PCDHGB3: variants seen among roughly 807,000 people sequenced by gnomAD.
The protein encoded by PCDHGB3 is protocadherin gamma-B3.
In PCDHGB3, 40 loss-of-function variants were observed where a neutral mutation model predicts 59.2. That is an observed-to-expected ratio of 0.68 (90% CI 0.52 to 0.88). The LOEUF is 0.88. Among genes scored for constraint, PCDHGB3 ranks in the 40% least tolerant of loss-of-function variants. PCDHGB3 has a pLI of 0.00. For missense variants in PCDHGB3, 1,309 were observed against 1,187.9 expected, an observed-to-expected ratio of 1.10 and a Z score of -1.50; for synonymous variants, 581 against 503.6, an observed-to-expected ratio of 1.15 and a Z score of -2.06.
At position 141,429,997 on chromosome 5, in the gene PCDHGB3, G is replaced by A. The variant is rs536289272; in HGVS notation, c.2415+57188G>A. Among the ~76,000 whole-genome samples, 3 of 152,240 alleles carry A rather than the reference G, an allele frequency of 2.0e-5. No homozygotes were observed. The East Asian group carries it at 5.8e-4, about 29-fold the overall frequency. On this transcript the variant is annotated intron_variant, in intron 1 of 3. Transcript: ENST00000576222. ...TCTACTTTATGCTAAAAATATTAAT[G>A]TTTCTTTTTCACTTGGGTTCTTGTT... is the stretch of plus-strand genomic sequence containing the variant.
intron 1 of PCDHGB3, chr5:141,422,152 G>A (rs979405624): frequency 1.3e-5 from 20 of 1,575,764 alleles, no homozygotes; most frequent in Non-Finnish European, 1.5e-5. Flanking sequence ...GGGGTCTCTG[G>A]ATTTTGAAAA....
intron 1 of PCDHGB3, chr5:141,392,842 G>A: frequency 6.2e-7 from 1 of 1,609,312 alleles, no homozygotes. Flanking sequence ...CGCCCCAGAC[G>A]CGGCGAGCTG....
At chr5:141,410,701 A>C in intron 1 of PCDHGB3, 2 of 1,471,660 alleles carry the variant, frequency 1.4e-6, no homozygotes, top group Non-Finnish European at 9.1e-7. Context: ...TTATTTTCAT[A>C]TCTAGAATCA....
chr5:141,418,439 T>C (rs1284999606), intron 1 of PCDHGB3: 1 of 1,613,812 alleles, frequency 6.2e-7, no homozygotes, highest in Non-Finnish European at 8.5e-7. Flanking sequence ...ATATCCAGAA[T>C]TAGTATTGCA....
Position 141,372,607 on chromosome 5 carries a change from G to A in PCDHGB3, c.2213G>A (p.Gly738Glu). The A allele has an allele frequency of 6.2e-7, 1 of 1,614,000 alleles. No homozygotes were observed. Among genetic ancestry groups the A allele is most frequent in the South Asian group, 1.1e-5 (1 of 91,078 alleles). The stretch of plus-strand genomic sequence containing the variant: ...GGTGTCTGCTTCAAGACTGTACCTG[G>A]AGTTCTCCCCACCTACAGCGAAAGG... Reference protein sequence around the residue: ...QPGVCFKTVPGVLPTYSERTL... With the variant: ...QPGVCFKTVPEVLPTYSERTL... Residue 738 changes from glycine to glutamate, a missense_variant, in exon 1 of 4, where the codon GGA becomes GAA. Transcript: ENST00000576222.
chr5:141,398,586 A>G, intron 1 of PCDHGB3: 2 of 1,614,054 alleles, frequency 1.2e-6, no homozygotes, highest in Non-Finnish European at 1.7e-6. Flanking sequence ...CAAGATTTAT[A>G]CTAGAAGTAG....
At chr5:141,475,813 T>C in intron 1 of PCDHGB3, 1 of 334,788 alleles carries the variant, frequency 3.0e-6, no homozygotes, top group East Asian at 5.5e-5. Flanking sequence ...GAAAGTGAAG[T>C]TCCTGGCGCT....
chr5:141,395,447 G>A, intron 1 of PCDHGB3: 1 of 645,042 alleles, frequency 1.6e-6, no homozygotes, highest in Admixed American at 3.5e-5. Context: ...GGAAAAGATT[G>A]TTCAACCATT....
Position 141,489,764 on chromosome 5 carries a change from A to G in PCDHGB3, c.2416-5043A>G. ...GTGAGCTTTTACACTCTAAGCCCCA[A>G]CAGCCACTTCTCTCTGAATGTGAAG... is the stretch of plus-strand genomic sequence containing the variant. On this transcript the variant is annotated intron_variant, in intron 1 of 3. Transcript: ENST00000576222. The surrounding 1 kb of genome is among the most constrained non-coding windows in gnomAD (Gnocchi z 4.5). 2 of 1,613,556 alleles carry G rather than the reference A, an allele frequency of 1.2e-6. No homozygotes were observed. The highest frequency in any genetic ancestry group is 1.7e-6 in the Non-Finnish European group (2 of 1,179,894).
At chr5:141,399,763 G>A (rs753865606) in intron 1 of PCDHGB3, 8 of 1,613,378 alleles carry the variant, frequency 5.0e-6, no homozygotes, top group Admixed American at 1.7e-5. Context: ...GAGCCTGCGC[G>A]TGTTGGTGGG....
At chr5:141,402,799 C>G in intron 1 of PCDHGB3, 1 of 1,061,846 alleles carries the variant, frequency 9.4e-7, no homozygotes, top group Non-Finnish European at 1.3e-6. Flanking sequence ...TACACAAAAC[C>G]CGGCAGATAC....
At position 141,415,772 on chromosome 5, in the gene PCDHGB3, T is replaced by A. The variant is rs540545854; in HGVS notation, c.2415+42963T>A. On this transcript the variant is annotated intron_variant, in intron 1 of 3. Coordinates refer to ENST00000576222, the MANE Select transcript of PCDHGB3 (RefSeq NM_018924.5). ...TTTTTTTTTTTTTTTTTTTTTTTTT[T>A]ACTTTCTGGTAAAATTCACCTAGTC... is the stretch of plus-strand genomic sequence containing the variant. 5,409 of 1,336,512 alleles carry A rather than the reference T, an allele frequency of 4.0e-3. 27 individuals carry two copies. The highest frequency in any genetic ancestry group is 7.3e-3 in the Admixed American group (200 of 27,462). 82.8% of individuals were successfully genotyped at this position (1,336,512 alleles called of 1,614,324 possible).
At chr5:141,389,843 G>T (rs372102656) in intron 1 of PCDHGB3, 3 of 1,614,016 alleles carry the variant, frequency 1.9e-6, no homozygotes, top group Non-Finnish European at 2.5e-6. Context: ...CACCACTCTC[G>T]GCCACTGCCA....
At chr5:141,505,935 C>T (rs2099849264) in intron 3 of PCDHGB3, among the ~76,000 whole-genome samples, 1 of 152,146 alleles carries the variant, frequency 6.6e-6, no homozygotes, top group African/African-American at 2.4e-5. Flanking sequence ...CGCTTGGAAG[C>T]CCTCAAGCAA....
chr5:141,371,255 A>G lies in PCDHGB3; in HGVS notation c.861A>G (p.Glu287=), dbSNP rs1442083388. The G allele has an allele frequency of 1.9e-6, 3 of 1,614,036 alleles. 1 individual carries two copies. The South Asian group carries it at 3.3e-5, about 18-fold the overall frequency. The change falls in exon 1 of 4, where the codon GAA becomes GAG. Residue 287 remains glutamate (E), a synonymous_variant. Transcript: ENST00000576222. ...IIYAFINIGK[E]VRQLFKLDSK... ...ATGCCTTCATCAATATTGGCAAGGA[A>G]GTGAGACAACTGTTCAAGCTGGACA...
At chr5:141,399,254 G>A (rs2093775351) in intron 1 of PCDHGB3, 1 of 1,613,806 alleles carries the variant, frequency 6.2e-7, no homozygotes, top group East Asian at 2.2e-5. Context: ...GGGGAAAATG[G>A]GGAGGTTAAT....
chr5:141,375,719 G>C (rs1478749716), intron 1 of PCDHGB3: 1 of 1,614,262 alleles, frequency 6.2e-7, no homozygotes, highest in South Asian at 1.1e-5. Flanking sequence ...TAGCAGCAAC[G>C]TGTCACTGAG....
At chr5:141,421,169 T>G in intron 1 of PCDHGB3, 2 of 1,340,600 alleles carry the variant, frequency 1.5e-6, no homozygotes, top group South Asian at 1.5e-5. Flanking sequence ...CATAGATACA[T>G]AAGCCGATTC....
chr5:141,387,840 C>T, intron 1 of PCDHGB3: 2 of 1,597,864 alleles, frequency 1.3e-6, no homozygotes, highest in Non-Finnish European at 1.7e-6. Context: ...TTATTTGTAA[C>T]CCGGCGTCTC....
Sources: gnomAD v4.1 joint callset for allele counts (sites outside exome capture counted in the v4.1 genomes callset) on GRCh38, gnomAD v4.1.1 for gene constraint, Gnocchi (gnomAD v3.1) non-coding constraint, MANE v1.5 for transcripts, NCBI Gene and HGNC (gene_info 2026-07-23, HGNC 2026-07-21) for gene names.